The following B3GALNT1 variants were observed in gnomAD, a reference collection of about 807,000 sequenced individuals.
B3GALNT1 encodes the protein beta-1,3-N-acetylgalactosaminyltransferase 1 (Globoside blood group).
Under a neutral mutation model 27.3 loss-of-function variants are expected in B3GALNT1, and 17 were observed. The ratio of observed to expected loss-of-function variants is 0.62; its 90% confidence interval spans 0.43 to 0.94. B3GALNT1 has a LOEUF of 0.94. B3GALNT1 is among the 40% of genes least tolerant of loss of function. The probability of loss-of-function intolerance (pLI) is 0.00; values close to 1 mark genes in which losing one functional copy is unlikely to be tolerated. For missense variants in B3GALNT1, 347 were observed against 390.0 expected (o/e 0.89, Z 0.93); for synonymous variants, 141 against 144.0 (o/e 0.98, Z 0.15).
Position 161,085,607 on chromosome 3 carries a change from TA to T in B3GALNT1, c.*151del. ...GGGCCTGACTAATAAATCACAAGTGTAACCCTCCAGTCTCCAGTCTGGGTTT... is the reference window on the plus strand; with the variant it reads ...GGGCCTGACTAATAAATCACAAGTGTACCCTCCAGTCTCCAGTCTGGGTTT... On this transcript the variant is annotated 3_prime_UTR_variant, in exon 5 of 5. Transcript: ENST00000320474. 1 of 754,512 alleles carries T rather than the reference TA, an allele frequency of 1.3e-6. No homozygotes were observed. Among genetic ancestry groups the T allele is most frequent in the Non-Finnish European group, 2.3e-6 (1 of 440,558 alleles). The allele number at this position is 754,512 out of a possible 1,614,324, so 46.7% of individuals were successfully genotyped here.
intron 4 of B3GALNT1, among the ~76,000 whole-genome samples, chr3:161,087,275 G>C (rs1283423140): frequency 6.6e-6 from 1 of 152,146 alleles, no homozygotes; most frequent in Non-Finnish European, 1.5e-5. Context: ...TTCTGATACG[G>C]ATTCTAGCAA....
intron 2 of B3GALNT1, 108 bp downstream of exon 2, chr3:161,104,211 C>A: frequency 3.8e-6 from 3 of 779,856 alleles, no homozygotes; most frequent in Non-Finnish European, 5.5e-6. Context: ...GGCATCGACA[C>A]ATGCATACTA....
rs1721244026 is a variant in B3GALNT1 at position 161,085,574 on chromosome 3, T to C, written c.*185A>G. ...TTATATTTAATTCCTCCACATATCA[T>C]CTTTGAAGGGCCTGACTAATAAATC... On this transcript the variant is annotated 3_prime_UTR_variant, in exon 5 of 5. Coordinates refer to ENST00000320474, the MANE Select transcript of B3GALNT1 (RefSeq NM_003781.4). 1.6e-6 allele frequency: 1 copy of C among 632,328 alleles called. No homozygotes were observed. The highest frequency in any genetic ancestry group is 2.8e-6 in the Non-Finnish European group (1 of 361,948). 39.2% of individuals were successfully genotyped at this position (632,328 alleles called of 1,614,324 possible). A position where few individuals can be genotyped will look rare whatever the true frequency, so the allele number is the denominator to read the frequency against.
chr3:161,089,968 C>A, intron 4 of B3GALNT1: 1 of 228,930 alleles, frequency 4.4e-6, no homozygotes, highest in South Asian at 4.3e-5. Flanking sequence ...ACTTGGGAGG[C>A]TGAGGCAGGA....
intron 4 of B3GALNT1, among the ~76,000 whole-genome samples, chr3:161,092,757 ATTTTTCTTTT>A (rs1725879884): frequency 9.0e-6 from 1 of 111,440 alleles, no homozygotes; most frequent in African/African-American, 3.5e-5. Flanking sequence ...CAAAAGTTTC[ATTTTTCTTTT>A]TTTTTTTTTT....
intron 3 of B3GALNT1, among the ~76,000 whole-genome samples, chr3:161,101,922 A>G (rs1018755137): frequency 6.6e-6 from 1 of 152,228 alleles, no homozygotes; most frequent in Admixed American, 6.5e-5. Flanking sequence ...GCCCTATGAC[A>G]TGCTGCAGGA....
At position 161,103,491 on chromosome 3, in the gene B3GALNT1, T is replaced by C. The variant is rs1732533352; in HGVS notation, c.-194A>G. On this transcript the variant is annotated 5_prime_UTR_variant, in exon 3 of 5. Transcript: ENST00000320474. ...TTGTTTTCTGTATTCCATGCTTAAT[T>C]AAAACACTCAGATCTGTTGTGAACT... 9 of 1,280,814 alleles carry C rather than the reference T, an allele frequency of 7.0e-6. No individual in the cohort carries two copies. The highest frequency in any genetic ancestry group is 9.2e-6 in the Non-Finnish European group (9 of 981,676). The allele number at this position is 1,280,814 out of a possible 1,614,324, so 79.3% of individuals were successfully genotyped here. A position where few individuals can be genotyped will look rare whatever the true frequency, so the allele number is the denominator to read the frequency against.
intron 4 of B3GALNT1, among the ~76,000 whole-genome samples, chr3:161,092,782 T>G (rs1344710550): frequency 6.7e-6 from 1 of 148,260 alleles, no homozygotes; most frequent in Non-Finnish European, 1.5e-5. Flanking sequence ...TTTTTTTTTT[T>G]TTGAGATGGA....
chr3:161,091,079 G>A (rs1724819336), intron 4 of B3GALNT1, among the ~76,000 whole-genome samples: 1 of 151,990 alleles, frequency 6.6e-6, no homozygotes, highest in African/African-American at 2.4e-5. Flanking sequence ...ACCAGCCTGG[G>A]CAACATAGTG....
chr3:161,086,630 T>C lies in B3GALNT1; in HGVS notation c.125A>G (p.Asn42Ser), dbSNP rs1018332461. 30 of 1,614,030 alleles carry C rather than the reference T, an allele frequency of 1.9e-5. No homozygotes were observed. The East Asian group carries it at 2.5e-4, about 13-fold the overall frequency. Residue 42 changes from asparagine (N) to serine (S), a missense_variant, in exon 5 of 5, where the codon AAT (asparagine) becomes AGT (serine). Coordinates refer to ENST00000320474, the MANE Select transcript of B3GALNT1 (RefSeq NM_003781.4). The stretch of plus-strand genomic sequence containing the variant: ...CATCCAGTTCACGCGTTCTATCACA[T>C]TGTAGTGGGGAAGGCTGAGGTACCA... ...VMWYLSLPHY[N>S]VIERVNWMYF...
At chr3:161,089,659 G>A (rs543088502) in intron 4 of B3GALNT1, among the ~76,000 whole-genome samples, 126 of 151,986 alleles carry the variant, frequency 8.3e-4, no homozygotes, top group Non-Finnish European at 1.4e-3. Flanking sequence ...GTAGGAAAAC[G>A]GGAAATAAAA....
intron 3 of B3GALNT1, among the ~76,000 whole-genome samples, chr3:161,102,147 A>C (rs983384728): frequency 2.0e-5 from 3 of 152,198 alleles, no homozygotes; most frequent in African/African-American, 7.2e-5. Flanking sequence ...TTTTGCATAG[A>C]AAGTGGTAAC....
At chr3:161,096,699 C>T (rs1728358345) in intron 4 of B3GALNT1, among the ~76,000 whole-genome samples, 2 of 152,184 alleles carry the variant, frequency 1.3e-5, no homozygotes, top group Non-Finnish European at 2.9e-5. Flanking sequence ...ATTATTTTCA[C>T]AACTCACTGC....
chr3:161,084,670 T>C lies in B3GALNT1; in HGVS notation c.*1089A>G, dbSNP rs1037221803. 4.6e-5 allele frequency: 7 copies of C among 152,196 alleles called. No homozygotes were observed. Among genetic ancestry groups the C allele is most frequent in the African/African-American group, 7.2e-5 (3 of 41,452 alleles). 9.4% of individuals were successfully genotyped at this position (152,196 alleles called of 1,614,324 possible). The stretch of plus-strand genomic sequence containing the variant: ...GGATTTGACTTTACATATTAGGGCT[T>C]TCATCTTGATGAGAAACTCATAACA... On this transcript the variant is annotated 3_prime_UTR_variant, in exon 5 of 5. Transcript: ENST00000320474.
Position 161,085,987 on chromosome 3 carries a change from C to A in B3GALNT1, c.768G>T (p.Met256Ile), listed in dbSNP as rs1023620311. Residue 256 changes from methionine (M) to isoleucine (I), a missense_variant, in exon 5 of 5, where the codon ATG becomes ATT. Coordinates refer to ENST00000320474, the MANE Select transcript of B3GALNT1 (RefSeq NM_003781.4). The part of the protein sequence containing the change: ...SRDLVPRIYE[M>I]MGHVKPIKFE... ...ACTTGATGGGTTTTACGTGACCCAT[C>A]ATTTCATAGATCCTTGGCACCAAAT... The A allele has an allele frequency of 2.5e-6, 4 of 1,587,902 alleles. No individual in the cohort carries two copies. Among genetic ancestry groups the A allele is most frequent in the East Asian group, 2.2e-5 (1 of 44,696 alleles).
chr3:161,105,341 G>T lies in B3GALNT1; in HGVS notation c.-415C>A, dbSNP rs1733830225. 6.6e-6 allele frequency: 1 copy of T among 151,956 alleles called. No individual in the cohort carries two copies. Among genetic ancestry groups the T allele is most frequent in the Admixed American group, 6.5e-5 (1 of 15,268 alleles). 9.4% of individuals were successfully genotyped at this position (151,956 alleles called of 1,614,324 possible). A position where few individuals can be genotyped will look rare whatever the true frequency, so the allele number is the denominator to read the frequency against. ...CATCCGCACGCACGGCCGGGCGCGC[G>T]CAGACCACGCGCCAGGGCCGCGGCC... On this transcript the variant is annotated 5_prime_UTR_variant, in exon 1 of 5. Transcript: ENST00000320474.
chr3:161,102,903 ACAT>A (rs1257158915), intron 3 of B3GALNT1, among the ~76,000 whole-genome samples: 1 of 152,222 alleles, frequency 6.6e-6, no homozygotes, highest in Admixed American at 6.5e-5. Flanking sequence ...AGAAGAAGAG[ACAT>A]CATCCATCCA....
chr3:161,102,304 T>A (rs1218240406), intron 3 of B3GALNT1, among the ~76,000 whole-genome samples: 2 of 152,176 alleles, frequency 1.3e-5, no homozygotes, highest in African/African-American at 4.8e-5. Context: ...ACCGATAACC[T>A]ACTCTAGCTT....
rs765523551 is a variant in B3GALNT1 at position 161,086,179 on chromosome 3, C to A, written c.576G>T (p.Lys192Asn). The change falls in exon 5 of 5, where the codon AAG (lysine) becomes AAT (asparagine). Residue 192 changes from lysine to asparagine, a missense_variant. Lys to Asn is a moderately conservative substitution (Grantham distance 94). Coordinates refer to ENST00000320474, the MANE Select transcript of B3GALNT1 (RefSeq NM_003781.4). ...CTGAGTGGTTTAGGTTTAAAAGATA[C>A]TTCACTAAATTGCCAGTATTGATGA... ...DVFINTGNLVKYLLNLNHSEK... is the reference protein window; with the variant it reads ...DVFINTGNLVNYLLNLNHSEK... The A allele has an allele frequency of 6.2e-7, 1 of 1,613,906 alleles. No homozygotes were observed. The highest frequency in any genetic ancestry group is 8.5e-7 in the Non-Finnish European group (1 of 1,179,986).
Sources: gnomAD v4.1 joint callset for allele counts (sites outside exome capture counted in the v4.1 genomes callset) on GRCh38, gnomAD v4.1.1 for gene constraint, MANE v1.5 for transcripts, NCBI Gene and HGNC (gene_info 2026-07-23, HGNC 2026-07-21) for gene names.